MYO9B: variants seen among roughly 807,000 people sequenced by gnomAD.
MYO9B encodes the protein unconventional myosin-IXb.
MYO9B carries 71 observed loss-of-function variants against 229.5 expected under a neutral mutation model. The observed-to-expected ratio is 0.31, with a 90% CI of 0.26 to 0.38. The LOEUF (loss-of-function observed/expected upper bound fraction) is 0.38, where lower values mean the gene tolerates loss of function less well. Among genes scored for constraint, MYO9B ranks in the 10% least tolerant of loss-of-function variants. MYO9B has a pLI of 1.00. For missense variants in MYO9B, 2,255 were observed against 2,920.5 expected (o/e 0.77, Z 5.25); for synonymous variants, 1,185 against 1,235.8 (o/e 0.96, Z 0.86).
At chr19:17,197,448 A>G (rs202191475) in intron 22 of MYO9B, among the ~76,000 whole-genome samples, 2 of 152,028 alleles carry the variant, frequency 1.3e-5, no homozygotes, top group South Asian at 4.2e-4. Flanking sequence ...AGATAGATAG[A>G]TACATAGATA....
chr19:17,190,837 G>A (rs2072976530), intron 19 of MYO9B, among the ~76,000 whole-genome samples: 1 of 151,940 alleles, frequency 6.6e-6, no homozygotes, highest in Non-Finnish European at 1.5e-5. Context: ...TAGAGATGGG[G>A]TTTCACCATG....
At chr19:17,127,028 T>TG (rs1006153815) in intron 2 of MYO9B, among the ~76,000 whole-genome samples, 2 of 147,302 alleles carry the variant, frequency 1.4e-5, no homozygotes, top group Non-Finnish European at 3.0e-5. Context: ...TTTTTTTTTT[T>TG]TCAGATGGAG....
intron 1 of MYO9B, among the ~76,000 whole-genome samples, chr19:17,090,581 G>A (rs2057628329): frequency 6.6e-6 from 1 of 152,202 alleles, no homozygotes; most frequent in Admixed American, 6.5e-5. Context: ...TAGTCTGACA[G>A]TTTGATTTTC....
At position 17,197,427 on chromosome 19, in the gene MYO9B, G is replaced by C. The variant is rs4808598; in HGVS notation, c.4047-365G>C. ...TAGATGATAGATAGATAGATAGATA[G>C]ATAGATAGATAGATAGATAGATACA... is the stretch of plus-strand genomic sequence containing the variant. On this transcript the variant is annotated intron_variant, in intron 22 of 39. Coordinates refer to ENST00000682292, the MANE Select transcript of MYO9B (RefSeq NM_004145.4). Among the ~76,000 whole-genome samples the C allele has an allele frequency of 6.9e-3, 979 of 141,046 alleles. 16 individuals carry two copies. The highest frequency in any genetic ancestry group is 0.063 in the East Asian group (321 of 5,110). 92.5% of individuals were successfully genotyped at this position (141,046 alleles called of 152,430 possible). A position where few individuals can be genotyped will look rare whatever the true frequency, so the allele number is the denominator to read the frequency against.
intron 8 of MYO9B, among the ~76,000 whole-genome samples, chr19:17,160,510 C>CTTTT (rs34857957): frequency 4.7e-4 from 60 of 128,158 alleles, no homozygotes; most frequent in African/African-American, 1.2e-3. Flanking sequence ...TCTTTTTTTT[C>CTTTT]TTTTTTTTTT....
At chr19:17,210,162 T>C (rs1441398553) in intron 36 of MYO9B, among the ~76,000 whole-genome samples, 171 bp from the exon 37 acceptor site, 1 of 152,128 alleles carries the variant, frequency 6.6e-6, no homozygotes, top group Non-Finnish European at 1.5e-5. Context: ...AATGTTCCCA[T>C]AGCAGAAGAA....
At chr19:17,210,184 G>T in intron 36 of MYO9B, 149 bp from the exon 37 acceptor site, 1 of 748,030 alleles carries the variant, frequency 1.3e-6, no homozygotes. Flanking sequence ...CAGCCCCACA[G>T]TGCAGGGGTG....
intron 3 of MYO9B, among the ~76,000 whole-genome samples, chr19:17,151,995 CTGACCAACA>C (rs1264004189): frequency 6.6e-6 from 1 of 152,092 alleles, no homozygotes; most frequent in Non-Finnish European, 1.5e-5. Flanking sequence ...CGAGACCAGC[CTGACCAACA>C]TGGAGAAACC....
chr19:17,194,641 G>T lies in MYO9B; in HGVS notation c.3214G>T (p.Gly1072Cys), dbSNP rs370162063. Residue 1072 changes from glycine to cysteine, a missense_variant, in exon 22 of 40, where the codon GGC becomes TGC. Gly to Cys is a radical substitution (Grantham distance 159, BLOSUM62 -3). This residue lies in a region of MYO9B where 679 missense variants were observed against 770.2 expected (regional missense o/e 0.88). Coordinates refer to ENST00000682292, the MANE Select transcript of MYO9B (RefSeq NM_004145.4). ...AGCCGCAAGAGCAGGTGCTGAGGAGGGCGGACAGGGTCAGGCGGCTGGAGG... is the reference window on the plus strand; with the variant it reads ...AGCCGCAAGAGCAGGTGCTGAGGAGTGCGGACAGGGTCAGGCGGCTGGAGG... Reference protein sequence around the residue: ...LEAARAGAEEGGQGQAAGGQQ... With the variant: ...LEAARAGAEECGQGQAAGGQQ... The T allele has an allele frequency of 1.9e-6, 3 of 1,612,724 alleles. No homozygotes were observed. The highest frequency in any genetic ancestry group is 2.5e-6 in the Non-Finnish European group (3 of 1,179,772).
chr19:17,130,719 G>T (rs2072185350), intron 2 of MYO9B, among the ~76,000 whole-genome samples: 1 of 151,792 alleles, frequency 6.6e-6, no homozygotes, highest in Admixed American at 6.6e-5. Context: ...GGGGGGCGGA[G>T]GTTGCAGTGA....
Position 17,159,441 on chromosome 19 carries a change from T to C in MYO9B, c.1376T>C (p.Val459Ala). 4 of 1,610,894 alleles carry C rather than the reference T, an allele frequency of 2.5e-6. No homozygotes were observed. The highest frequency in any genetic ancestry group is 3.4e-6 in the Non-Finnish European group (4 of 1,178,616). ...GAGGTTCTGACCAAAAGAAAAACGG[T>C]GACCGTCAACGACAAGCTTATCCTT... ...LVEVLTKRKT[V>A]TVNDKLILPY... The change falls in exon 8 of 40, where the codon GTG (valine) becomes GCG (alanine). Residue 459 changes from valine to alanine, a missense_variant. Around this residue, in one of 7 missense-constraint regions of MYO9B, gnomAD observed 220 missense variants for 404.5 expected, o/e 0.54. Coordinates refer to ENST00000682292, the MANE Select transcript of MYO9B (RefSeq NM_004145.4).
At chr19:17,142,595 C>T (rs1472135503) in intron 2 of MYO9B, among the ~76,000 whole-genome samples, 1 of 152,080 alleles carries the variant, frequency 6.6e-6, no homozygotes, top group Non-Finnish European at 1.5e-5. Context: ...GCCCAAAACT[C>T]CTGCCACAAA....
chr19:17,203,081 T>C lies in MYO9B; in HGVS notation c.4879-66T>C. On this transcript the variant is annotated intron_variant, in intron 29 of 39. Transcript: ENST00000682292. The stretch of plus-strand genomic sequence containing the variant: ...ACCCCTGAGATCCCATGGGTCGTCA[T>C]CCACCAGTGGCTGGGGAGGGCTGCC... 5 of 1,440,790 alleles carry C rather than the reference T, an allele frequency of 3.5e-6. No individual in the cohort carries two copies. The East Asian group carries it at 7.5e-5, about 22-fold the overall frequency. 89.3% of individuals were successfully genotyped at this position (1,440,790 alleles called of 1,614,324 possible).
In MYO9B at chr19:17,101,085, C is replaced by A. The variant is rs1167982625; in HGVS notation, c.-58-575C>A. On this transcript the variant is annotated intron_variant, in intron 1 of 39. Transcript: ENST00000682292. The surrounding 1 kb of genome is among the most constrained non-coding windows in gnomAD (Gnocchi z 4.7). ...GTTGGGCTTCAGGATTGAGAGGCTG[C>A]CTCTGGATGGGGTGGGATGGGGGCT... 6.6e-6 allele frequency among the ~76,000 whole-genome samples: 1 copy of A among 151,004 alleles called. No individual in the cohort carries two copies. Among genetic ancestry groups the A allele is most frequent in the Non-Finnish European group, 1.5e-5 (1 of 67,822 alleles).
chr19:17,174,917 G>C (rs956260789), intron 13 of MYO9B, among the ~76,000 whole-genome samples: 1 of 150,858 alleles, frequency 6.6e-6, no homozygotes, highest in African/African-American at 2.4e-5. Flanking sequence ...CCAGGCGACA[G>C]TGCAAGACTC....
At position 17,194,539 on chromosome 19, in the gene MYO9B, C is replaced by T; in HGVS notation, c.3129-17C>T. The T allele has an allele frequency of 6.2e-7, 1 of 1,610,124 alleles. No homozygotes were observed. The highest frequency in any genetic ancestry group is 8.5e-7 in the Non-Finnish European group (1 of 1,178,810). On this transcript the variant is annotated splice_polypyrimidine_tract_variant and intron_variant, in intron 21 of 39. Transcript: ENST00000682292. Reference sequence around the variant, plus strand: ...TGTTTGTTTCTGAACCAGCTGTCTGCTTTTTCCTCACTCCAGCTTCAGCCA... The same window carrying T: ...TGTTTGTTTCTGAACCAGCTGTCTGTTTTTTCCTCACTCCAGCTTCAGCCA...
intron 2 of MYO9B, among the ~76,000 whole-genome samples, chr19:17,114,271 A>G (rs2057877960): frequency 6.6e-6 from 1 of 152,104 alleles, no homozygotes; most frequent in East Asian, 1.9e-4. Flanking sequence ...TTACACATCA[A>G]CCCGACCAAA....
chr19:17,118,395 A>C (rs1241972397), intron 2 of MYO9B, among the ~76,000 whole-genome samples: 1 of 151,984 alleles, frequency 6.6e-6, no homozygotes, highest in African/African-American at 2.4e-5. Flanking sequence ...TGAGCATAGG[A>C]GTTCGAGACC....
At chr19:17,200,569 G>C in intron 25 of MYO9B, 70 bp from the exon 26 acceptor site, 7 of 1,523,952 alleles carry the variant, frequency 4.6e-6, no homozygotes, top group Non-Finnish European at 6.2e-6. Context: ...GGATAAAGGC[G>C]TGCCATAGGA....
Sources: gnomAD v4.1 joint callset for allele counts (sites outside exome capture counted in the v4.1 genomes callset) on GRCh38, gnomAD v4.1.1 for gene constraint, gnomAD v4.1.1 regional missense constraint, Gnocchi (gnomAD v3.1) non-coding constraint, MANE v1.5 for transcripts, NCBI Gene and HGNC (gene_info 2026-07-23, HGNC 2026-07-21) for gene names.